The following DNAH11 variants were observed in gnomAD, a reference collection of about 807,000 sequenced individuals.
DNAH11 encodes dynein axonemal heavy chain 11.
DNAH11 carries 442 observed loss-of-function variants against 526.0 expected under a neutral mutation model. That is an observed-to-expected ratio of 0.84 (90% CI 0.78 to 0.91). The LOEUF (loss-of-function observed/expected upper bound fraction) is 0.91. Among genes scored for constraint, DNAH11 ranks in the 40% least tolerant of loss-of-function variants. DNAH11 has a pLI of 0.00. For synonymous variants in DNAH11, 2,461 were observed against 1,935.9 expected (o/e 1.27, Z -7.12); for missense variants, 6,989 against 5,448.7 (o/e 1.28, Z -8.90).
At chr7:21,603,770 A>G (rs1209778282) in intron 18 of DNAH11, among the ~76,000 whole-genome samples, 2 of 152,206 alleles carry the variant, frequency 1.3e-5, no homozygotes, top group African/African-American at 4.8e-5. Flanking sequence ...GAAGATTTAG[A>G]TATTCCTTGA....
At chr7:21,568,846 A>G (rs1260248367) in intron 6 of DNAH11, among the ~76,000 whole-genome samples, 1 of 152,218 alleles carries the variant, frequency 6.6e-6, no homozygotes, top group African/African-American at 2.4e-5. Flanking sequence ...TAAAGAATAC[A>G]TAGAGATAAA....
intron 40 of DNAH11, among the ~76,000 whole-genome samples, chr7:21,709,555 G>A (rs1784386623): frequency 6.6e-6 from 1 of 152,152 alleles, no homozygotes; most frequent in Admixed American, 6.6e-5. Flanking sequence ...AAACCTGCAT[G>A]TGTATCATCT....
rs114250631 is a variant in DNAH11 at position 21,543,885 on chromosome 7, C to T, written c.351+289C>T. On this transcript the variant is annotated intron_variant, in intron 1 of 81. Transcript: ENST00000409508. ...AGAACACCAGCGCTTTCTTTAGCTG[C>T]TTGGGTGTTAGGCGCCAGGTGGGCT... The T allele has an allele frequency of 5.0e-3, 2,281 of 453,862 alleles. 43 individuals carry two copies. Among genetic ancestry groups the T allele is most frequent in the African/African-American group, 0.042 (2,071 of 48,896 alleles). The allele number at this position is 453,862 out of a possible 1,614,324, so 28.1% of individuals were successfully genotyped here. A position where few individuals can be genotyped will look rare whatever the true frequency, so the allele number is the denominator to read the frequency against.
chr7:21,786,302 A>ATGTGTGTGTGTGTGTG (rs58775729), intron 58 of DNAH11, among the ~76,000 whole-genome samples: 2 of 150,954 alleles, frequency 1.3e-5, no homozygotes, highest in African/African-American at 4.9e-5. Context: ...ACATATACAC[A>ATGTGTGTGTGTGTGTG]TGTGTGTGTG....
chr7:21,795,041 T>C (rs991869205), intron 61 of DNAH11, among the ~76,000 whole-genome samples: 3 of 152,176 alleles, frequency 2.0e-5, no homozygotes, highest in African/African-American at 7.2e-5. Flanking sequence ...GGTGATAGTC[T>C]TAGCACTGGA....
Position 21,735,842 on chromosome 7 carries a change from A to G in DNAH11, c.7643A>G (p.Gln2548Arg), listed in dbSNP as rs757926745. The change falls in exon 46 of 82, where the codon CAA becomes CGA. Residue 2548 changes from glutamine (Q) to arginine (R), a missense_variant and splice_region_variant. Transcript: ENST00000409508. ...FNYYTTSTAL[Q>R]KILEKPLEKK... ...TACTACACGACATCCACAGCTCTGC[A>G]AAGTAAGTGCACCTGTTTATTTTCT... 9.4e-6 allele frequency: 15 copies of G among 1,600,184 alleles called. No homozygotes were observed. Among genetic ancestry groups the G allele is most frequent in the Admixed American group, 1.7e-5 (1 of 59,174 alleles).
intron 45 of DNAH11, among the ~76,000 whole-genome samples, chr7:21,733,148 A>T (rs1271026278): frequency 6.6e-6 from 1 of 152,210 alleles, no homozygotes; most frequent in African/African-American, 2.4e-5. Context: ...GCGCTTTGGG[A>T]GGCCGAGGTG....
At chr7:21,785,006 T>A (rs1307814067) in intron 58 of DNAH11, among the ~76,000 whole-genome samples, 1 of 152,226 alleles carries the variant, frequency 6.6e-6, no homozygotes, top group Non-Finnish European at 1.5e-5. Context: ...TCGAGCTTCA[T>A]GTTGTTTGTG....
intron 63 of DNAH11, 33 bp from the exon 64 acceptor site, chr7:21,816,434 A>C (rs756149050): frequency 3.9e-6 from 6 of 1,525,086 alleles, no homozygotes; most frequent in Non-Finnish European, 5.4e-6. Context: ...CTGCCACATG[A>C]CCAATTTGTT....
At chr7:21,590,429 T>G (rs1313153794) in intron 12 of DNAH11, among the ~76,000 whole-genome samples, 1 of 152,180 alleles carries the variant, frequency 6.6e-6, no homozygotes, top group African/African-American at 2.4e-5. Context: ...GCTGAATTTT[T>G]AGGGGATGAA....
chr7:21,673,749 C>G (rs183281083), intron 30 of DNAH11, among the ~76,000 whole-genome samples: 35 of 152,240 alleles, frequency 2.3e-4, no homozygotes, highest in Non-Finnish European at 4.4e-4. Flanking sequence ...CCTGCCTTAT[C>G]TTTGTTTTAT....
intron 18 of DNAH11, among the ~76,000 whole-genome samples, chr7:21,605,480 G>C (rs1785244526): frequency 6.6e-6 from 1 of 152,270 alleles, no homozygotes. Flanking sequence ...GAGTTGAGTT[G>C]GTACCTGAAC....
chr7:21,545,906 C>T (rs1185849970), intron 2 of DNAH11, among the ~76,000 whole-genome samples: 1 of 152,164 alleles, frequency 6.6e-6, no homozygotes, highest in East Asian at 1.9e-4. Flanking sequence ...ACATTAGGAT[C>T]ACCTGGGGGA....
At chr7:21,866,806 T>G (rs1583790330) in intron 71 of DNAH11, 143 bp downstream of exon 71, 1 of 924,302 alleles carries the variant, frequency 1.1e-6, no homozygotes, top group East Asian at 2.7e-5. Context: ...TTATAATCAC[T>G]GCTACTGTTA....
In DNAH11 at chr7:21,765,531, C is replaced by G. The variant is rs749849152; in HGVS notation, c.9044C>G (p.Pro3015Arg). The stretch of plus-strand genomic sequence containing the variant: ...GCTATTGACTGGTTTCATGCGTGGC[C>G]GCAGGAGGCTCTGGTCTCCGTCAGC... ...CTAIDWFHAW[P>R]QEALVSVSRR... Residue 3015 changes from proline to arginine, a missense_variant, in exon 55 of 82, where the codon CCG becomes CGG. Transcript: ENST00000409508. 1.3e-5 allele frequency: 21 copies of G among 1,610,394 alleles called. No homozygotes were observed. Among genetic ancestry groups the G allele is most frequent in the Non-Finnish European group, 1.2e-5 (14 of 1,177,670 alleles).
At chr7:21,765,610 TCACACACACACACACA>T (rs3219983) in intron 55 of DNAH11, 21 bp downstream of exon 55, 19,442 of 954,846 alleles carry the variant, frequency 0.02, 411 homozygotes, top group African/African-American at 0.084. Flanking sequence ...TCAGCCTGCG[TCACACACACACACACA>T]CACACACACA....
At chr7:21,828,116 T>A (rs1484402502) in intron 65 of DNAH11, among the ~76,000 whole-genome samples, 1 of 152,088 alleles carries the variant, frequency 6.6e-6, no homozygotes, top group East Asian at 1.9e-4. Flanking sequence ...GCGCGGCTAA[T>A]TTTTGTATTT....
rs761944024 is a variant in DNAH11, at chr7:21,750,276, T to C, written c.8852T>C (p.Ile2951Thr). 1.2e-6 allele frequency: 2 copies of C among 1,605,122 alleles called. No individual in the cohort carries two copies. Among genetic ancestry groups the C allele is most frequent in the South Asian group, 2.3e-5 (2 of 88,850 alleles). ...DEDVDKIISG[I>T]HNEVHALGMV... ...GATGTGGACAAGATAATTTCTGGAA[T>C]TCATAATGAAGTTCATGCTCTGGGC... is the stretch of plus-strand genomic sequence containing the variant. The change falls in exon 54 of 82, where the codon ATT becomes ACT. Residue 2951 changes from isoleucine to threonine, a missense_variant. Ile to Thr is a moderately conservative substitution (Grantham distance 89). Transcript: ENST00000409508.
At chr7:21,853,579 A>G (rs1348876349) in intron 67 of DNAH11, among the ~76,000 whole-genome samples, 1 of 152,174 alleles carries the variant, frequency 6.6e-6, no homozygotes, top group African/African-American at 2.4e-5. Flanking sequence ...ATTTCCTTTT[A>G]TACACAAATA....
Sources: allele counts gnomAD v4.1 joint callset (sites outside exome capture counted in the v4.1 genomes callset), GRCh38; gene constraint gnomAD v4.1.1; transcripts MANE v1.5; gene names NCBI Gene and HGNC (gene_info 2026-07-23, HGNC 2026-07-21).